LRP1B: variants seen among roughly 807,000 people sequenced by gnomAD.
LRP1B encodes LDL receptor related protein 1B.
Under a neutral mutation model 556.6 loss-of-function variants are expected in LRP1B, and 217 were observed. That is an observed-to-expected ratio of 0.39 (90% CI 0.35 to 0.44). The LOEUF is 0.44. LRP1B is among the 20% of genes least tolerant of loss of function. The pLI is 1.00. For synonymous variants in LRP1B, 2,047 were observed against 1,865.8 expected (o/e 1.10, Z -2.50); for missense variants, 5,053 against 5,620.8 (o/e 0.90, Z 3.23).
intron 3 of LRP1B, among the ~76,000 whole-genome samples, chr2:141,400,928 A>G (rs1053246307): frequency 6.6e-6 from 1 of 152,184 alleles, no homozygotes; most frequent in African/African-American, 2.4e-5. Context: ...CAATTCCAAT[A>G]TAGATGCATC....
At chr2:141,048,643 G>C (rs142593291) in intron 11 of LRP1B, among the ~76,000 whole-genome samples, 1 of 152,008 alleles carries the variant, frequency 6.6e-6, no homozygotes. Flanking sequence ...ACTATTACAA[G>C]TCTCTGAAAT....
chr2:142,127,879 T>C (rs541769277), intron 1 of LRP1B, among the ~76,000 whole-genome samples: 1 of 152,060 alleles, frequency 6.6e-6, no homozygotes, highest in Non-Finnish European at 1.5e-5. Flanking sequence ...CTTTAAGATA[T>C]ACTTCCTTTT....
rs540218011 is a variant in LRP1B, at chr2:140,583,245, A to G, written c.7194+15386T>C. ...GGCTGGAGTGAAGTAATGTGATCTC[A>G]GCTCACTCAACTTCTGCCTTCCAGG... On this transcript the variant is annotated intron_variant, in intron 43 of 90. Coordinates refer to ENST00000389484, the MANE Select transcript of LRP1B (RefSeq NM_018557.3). Among the ~76,000 whole-genome samples, 38 of 135,214 alleles carry G rather than the reference A, an allele frequency of 2.8e-4. 1 individual carries two copies. The South Asian group carries it at 8.3e-3, about 30-fold the overall frequency. The allele number at this position is 135,214 out of a possible 152,430, so 88.7% of individuals were successfully genotyped here.
chr2:140,669,627 T>C (rs1008146361), intron 41 of LRP1B, among the ~76,000 whole-genome samples: 1 of 152,164 alleles, frequency 6.6e-6, no homozygotes, highest in African/African-American at 2.4e-5. Context: ...CAAAGGAGTA[T>C]ATAACTGTTA....
At chr2:140,984,605 AAG>A (rs1458848616) in intron 17 of LRP1B, among the ~76,000 whole-genome samples, 5 of 152,112 alleles carry the variant, frequency 3.3e-5, no homozygotes, top group Admixed American at 6.6e-5. Context: ...GAAAATGAGA[AAG>A]AACTTCTATG....
rs138467756 is a variant in LRP1B, at chr2:140,656,457, G to T, written c.6799+43793C>A. 1.8e-3 allele frequency among the ~76,000 whole-genome samples: 274 copies of T among 152,172 alleles called. 1 individual carries two copies. The highest frequency in any genetic ancestry group is 6.4e-3 in the African/African-American group (265 of 41,540). On this transcript the variant is annotated intron_variant, in intron 41 of 90. Coordinates refer to ENST00000389484, the MANE Select transcript of LRP1B (RefSeq NM_018557.3). Reference sequence around the variant, plus strand: ...AGCAGTAAAGGAAGAGATTTGTTTTGCTTTGTTTTTTTCCCCAAAGGCATT... The same window carrying T: ...AGCAGTAAAGGAAGAGATTTGTTTTTCTTTGTTTTTTTCCCCAAAGGCATT...
intron 1 of LRP1B, among the ~76,000 whole-genome samples, chr2:141,925,575 A>G (rs542402564): frequency 3.3e-5 from 5 of 152,326 alleles, no homozygotes; most frequent in East Asian, 1.9e-4. Flanking sequence ...TAGGCCAGAC[A>G]ATGTCCTGGA....
intron 27 of LRP1B, 77 bp from the exon 28 acceptor site, chr2:140,851,860 T>TG: frequency 7.3e-7 from 1 of 1,364,208 alleles, no homozygotes; most frequent in Non-Finnish European, 9.9e-7. Context: ...ACAGGGGTTA[T>TG]TCACCTAATG....
intron 41 of LRP1B, among the ~76,000 whole-genome samples, chr2:140,622,926 A>G (rs1683506575): frequency 6.7e-6 from 1 of 149,250 alleles, no homozygotes; most frequent in Admixed American, 6.9e-5. Flanking sequence ...TCTTGAAAGT[A>G]TTTCAAAATG....
At chr2:140,325,913 A>T in intron 79 of LRP1B, 35 bp from the exon 80 acceptor site, 4 of 1,273,548 alleles carry the variant, frequency 3.1e-6, no homozygotes, top group Non-Finnish European at 4.6e-6. Flanking sequence ...AAATAGTGCA[A>T]GTAAATTTGA....
At chr2:141,493,640 G>T (rs975236292) in intron 2 of LRP1B, among the ~76,000 whole-genome samples, 81 of 152,130 alleles carry the variant, frequency 5.3e-4, no homozygotes, top group African/African-American at 1.9e-3. Flanking sequence ...TCATCTCAGG[G>T]TAGCCTCTCG....
intron 20 of LRP1B, among the ~76,000 whole-genome samples, chr2:140,946,296 T>A (rs1188436418): frequency 6.6e-6 from 1 of 152,152 alleles, no homozygotes; most frequent in East Asian, 1.9e-4. Context: ...AATTTGGACA[T>A]TTTTCAAAGG....
chr2:141,439,063 C>T (rs1451132980), intron 3 of LRP1B, among the ~76,000 whole-genome samples: 2 of 152,062 alleles, frequency 1.3e-5, no homozygotes, highest in African/African-American at 2.4e-5. Flanking sequence ...ATATAATGTT[C>T]ATAAAATTCT....
chr2:141,125,690 C>T (rs1008743973), intron 7 of LRP1B, among the ~76,000 whole-genome samples: 3 of 152,032 alleles, frequency 2.0e-5, no homozygotes, highest in Non-Finnish European at 2.9e-5. Context: ...ATGGGAGAAA[C>T]GGCTCCCAGC....
chr2:141,719,760 A>C (rs1257754466), intron 2 of LRP1B, among the ~76,000 whole-genome samples: 1 of 152,146 alleles, frequency 6.6e-6, no homozygotes, highest in East Asian at 1.9e-4. Context: ...AATAATTAAC[A>C]CAGGAACAGA....
intron 1 of LRP1B, among the ~76,000 whole-genome samples, chr2:141,839,763 T>C (rs1697403423): frequency 6.6e-6 from 1 of 152,160 alleles, no homozygotes; most frequent in African/African-American, 2.4e-5. Flanking sequence ...GAAAAATAAT[T>C]ACACTGCTTC....
chr2:140,519,209 T>A (rs6430908), intron 49 of LRP1B, among the ~76,000 whole-genome samples: 1 of 151,898 alleles, frequency 6.6e-6, no homozygotes, highest in Non-Finnish European at 1.5e-5. Flanking sequence ...GACTTCAAAC[T>A]ATACTACAAG....
At position 141,235,612 on chromosome 2, in the gene LRP1B, T is replaced by C. The variant is rs533002995; in HGVS notation, c.593-6172A>G. Among the ~76,000 whole-genome samples the C allele has an allele frequency of 1.4e-3, 206 of 152,202 alleles. 1 individual carries two copies. The highest frequency in any genetic ancestry group is 4.6e-3 in the African/African-American group (193 of 41,538). ...TACAGATGTGTGAAAGATTTGAATA[T>C]ATTGAGGAGAGATTGACCTCAGTTT... On this transcript the variant is annotated intron_variant, in intron 5 of 90. Transcript: ENST00000389484.
At chr2:140,498,007 G>T (rs1248912486) in intron 55 of LRP1B, among the ~76,000 whole-genome samples, 1 of 151,248 alleles carries the variant, frequency 6.6e-6, no homozygotes, top group Non-Finnish European at 1.5e-5. Context: ...AAATATTTTT[G>T]GTCTCAAATA....
Sources: gnomAD v4.1 joint callset for allele counts (sites outside exome capture counted in the v4.1 genomes callset) on GRCh38, gnomAD v4.1.1 for gene constraint, MANE v1.5 for transcripts, NCBI Gene and HGNC (gene_info 2026-07-23, HGNC 2026-07-21) for gene names.